SMAP1: variants seen among roughly 807,000 people sequenced by gnomAD.
SMAP1 encodes small ArfGAP 1, also known as stromal membrane-associated protein 1.
SMAP1 carries 24 observed loss-of-function variants against 58.5 expected under a neutral mutation model. The observed-to-expected ratio is 0.41, with a 90% CI of 0.30 to 0.58. The LOEUF is 0.58. Among genes scored for constraint, SMAP1 ranks in the 20% least tolerant of loss-of-function variants. The pLI is 0.29. For missense variants in SMAP1, 563 were observed against 566.3 expected (o/e 0.99, Z 0.06); for synonymous variants, 216 against 196.6 (o/e 1.10, Z -0.82).
chr6:70,812,819 C>A (rs1351344361), intron 6 of SMAP1, among the ~76,000 whole-genome samples: 5 of 152,156 alleles, frequency 3.3e-5, no homozygotes, highest in Non-Finnish European at 7.4e-5. Flanking sequence ...GTCTTCTGAA[C>A]ATGGCATTCT....
chr6:70,693,582 A>G (rs559989283), intron 1 of SMAP1, among the ~76,000 whole-genome samples: 37 of 152,160 alleles, frequency 2.4e-4, no homozygotes, highest in Middle Eastern at 6.9e-3. Context: ...GATTACAGGC[A>G]TGAGCCACCG....
At chr6:70,723,358 G>A (rs1416001430) in intron 1 of SMAP1, among the ~76,000 whole-genome samples, 1 of 152,154 alleles carries the variant, frequency 6.6e-6, no homozygotes, top group Non-Finnish European at 1.5e-5. Context: ...TACCTTAAAT[G>A]TGAAGAAGCC....
At chr6:70,773,665 GA>G (rs1767426479) in intron 4 of SMAP1, among the ~76,000 whole-genome samples, 1 of 152,008 alleles carries the variant, frequency 6.6e-6, no homozygotes. Context: ...GTTAATTTTT[GA>G]AATTTGCAAA....
chr6:70,681,274 T>A lies in SMAP1; in HGVS notation c.118+13133T>A, dbSNP rs549221772. 5.7e-4 allele frequency among the ~76,000 whole-genome samples: 86 copies of A among 149,794 alleles called. 2 individuals carry two copies. In the South Asian group the frequency reaches 0.016, roughly 28 times the overall value. On this transcript the variant is annotated intron_variant, in intron 1 of 10. Transcript: ENST00000370455. ...TCTCTACAAAAAGTGAAAATAAAATTAAAAAAAAATAGCTGGGTGTGGTGG... is the reference window on the plus strand; with the variant it reads ...TCTCTACAAAAAGTGAAAATAAAATAAAAAAAAAATAGCTGGGTGTGGTGG...
chr6:70,722,287 G>A (rs1768563344), intron 1 of SMAP1, among the ~76,000 whole-genome samples: 2 of 152,220 alleles, frequency 1.3e-5, no homozygotes, highest in Admixed American at 1.3e-4. Context: ...AGGGAGAGTA[G>A]GGAGTAGTAG....
intron 1 of SMAP1, among the ~76,000 whole-genome samples, chr6:70,723,296 T>G (rs181232176): frequency 2.4e-4 from 37 of 152,330 alleles, no homozygotes; most frequent in African/African-American, 8.9e-4. Context: ...CAGGCTTTCC[T>G]TGGTATTTCT....
intron 6 of SMAP1, among the ~76,000 whole-genome samples, chr6:70,804,642 TC>T (rs1453813824): frequency 1.3e-5 from 2 of 152,216 alleles, no homozygotes; most frequent in Non-Finnish European, 1.5e-5. Context: ...TACCAGTTGT[TC>T]CTTTCCATGT....
At chr6:70,671,646 C>A (rs989994177) in intron 1 of SMAP1, among the ~76,000 whole-genome samples, 3 of 152,166 alleles carry the variant, frequency 2.0e-5, no homozygotes, top group Admixed American at 6.5e-5. Context: ...TCCCACTATC[C>A]CCTCTCCCCA....
At chr6:70,828,216 G>C (rs150045218) in intron 6 of SMAP1, among the ~76,000 whole-genome samples, 1 of 152,092 alleles carries the variant, frequency 6.6e-6, no homozygotes, top group African/African-American at 2.4e-5. Context: ...AACTAATGTA[G>C]GTAATATAGT....
chr6:70,852,068 C>T (rs1771205731), intron 7 of SMAP1, among the ~76,000 whole-genome samples: 1 of 152,140 alleles, frequency 6.6e-6, no homozygotes, highest in South Asian at 2.1e-4. Flanking sequence ...CACACACCCT[C>T]ACACATACAT....
intron 2 of SMAP1, among the ~76,000 whole-genome samples, chr6:70,754,755 C>T (rs1461961308): frequency 1.3e-5 from 2 of 151,988 alleles, no homozygotes; most frequent in Non-Finnish European, 2.9e-5. Context: ...AGATTATGGA[C>T]TATGGATCAA....
chr6:70,769,798 A>T (rs1582148231), intron 3 of SMAP1, among the ~76,000 whole-genome samples: 1 of 152,250 alleles, frequency 6.6e-6, no homozygotes, highest in Non-Finnish European at 1.5e-5. Context: ...TGTCATTATG[A>T]TGTTAGCTGG....
At chr6:70,797,224 A>G (rs984033836) in intron 5 of SMAP1, among the ~76,000 whole-genome samples, 4 of 152,158 alleles carry the variant, frequency 2.6e-5, no homozygotes, top group African/African-American at 7.2e-5. Context: ...AAATCACACA[A>G]CAAACACTAA....
chr6:70,713,355 G>A (rs937689231), intron 1 of SMAP1, among the ~76,000 whole-genome samples: 1 of 151,662 alleles, frequency 6.6e-6, no homozygotes, highest in Non-Finnish European at 1.5e-5. Context: ...GTATAGTTAG[G>A]TTGTTTATTT....
At chr6:70,830,365 T>A (rs947714371) in intron 6 of SMAP1, among the ~76,000 whole-genome samples, 39 of 152,306 alleles carry the variant, frequency 2.6e-4, no homozygotes, top group African/African-American at 9.4e-4. Context: ...TATCACACAC[T>A]AGTATCCCTG....
chr6:70,838,963 G>T (rs549191329), intron 7 of SMAP1, among the ~76,000 whole-genome samples: 30 of 152,274 alleles, frequency 2.0e-4, no homozygotes, highest in African/African-American at 6.0e-4. Context: ...AAATGAGCTT[G>T]TAGAGAGGTA....
chr6:70,748,394 A>T (rs1766136319), intron 2 of SMAP1, among the ~76,000 whole-genome samples: 1 of 152,130 alleles, frequency 6.6e-6, no homozygotes, highest in African/African-American at 2.4e-5. Flanking sequence ...ACACAAATAC[A>T]TTAAAAATTT....
intron 10 of SMAP1, chr6:70,859,138 T>C (rs3734372): frequency 0.19 from 94,395 of 497,784 alleles, 10,550 homozygotes; most frequent in East Asian, 0.32. Flanking sequence ...GCACAATCAC[T>C]ATATATCACA....
chr6:70,855,157 G>T (rs894473783), intron 8 of SMAP1, among the ~76,000 whole-genome samples: 9 of 150,170 alleles, frequency 6.0e-5, no homozygotes, highest in Non-Finnish European at 1.2e-4. Context: ...GTTTTTTCTT[G>T]GTTAAGCCCT....
Sources: gnomAD v4.1 joint callset for allele counts (sites outside exome capture counted in the v4.1 genomes callset) on GRCh38, gnomAD v4.1.1 for gene constraint, MANE v1.5 for transcripts, NCBI Gene and HGNC (gene_info 2026-07-23, HGNC 2026-07-21) for gene names.